The following LAMA2 variants were observed in gnomAD, a reference collection of about 807,000 sequenced individuals.
LAMA2 encodes the protein laminin subunit alpha-2.
A neutral mutation model predicts 364.8 loss-of-function variants in LAMA2; 269 were observed. That is an observed-to-expected ratio of 0.74 (90% CI 0.67 to 0.82). The LOEUF is 0.82. Among genes scored for constraint, LAMA2 ranks in the 40% least tolerant of loss-of-function variants. The probability of loss-of-function intolerance (pLI) is 0.00; values close to 1 mark genes in which losing one functional copy is unlikely to be tolerated. For synonymous variants in LAMA2, 1,379 were observed against 1,370.6 expected (o/e 1.01, Z -0.14); for missense variants, 3,807 against 3,873.2 (o/e 0.98, Z 0.45).
At chr6:129,144,370 AATC>A in intron 5 of LAMA2, among the ~76,000 whole-genome samples, 1 of 152,074 alleles carries the variant, frequency 6.6e-6, no homozygotes, top group East Asian at 1.9e-4. Context: ...TCTACTTAAT[AATC>A]TTATTTTTCA....
intron 45 of LAMA2, 85 bp downstream of exon 45, chr6:129,445,906 C>A: frequency 7.5e-7 from 1 of 1,341,500 alleles, no homozygotes; most frequent in Non-Finnish European, 1.1e-6. Flanking sequence ...CAGGATTCCC[C>A]GTTGAATGAT....
chr6:129,036,130 T>G (rs1294264243), intron 1 of LAMA2, among the ~76,000 whole-genome samples: 1 of 152,178 alleles, frequency 6.6e-6, no homozygotes, highest in Admixed American at 6.5e-5. Flanking sequence ...GGAATGTTTT[T>G]CCATTTGTCC....
At chr6:128,979,781 C>T (rs1444512509) in intron 1 of LAMA2, among the ~76,000 whole-genome samples, 1 of 152,198 alleles carries the variant, frequency 6.6e-6, no homozygotes, top group Non-Finnish European at 1.5e-5. Flanking sequence ...TGAAACCCAG[C>T]AAAGCTTAAC....
chr6:129,006,955 A>T (rs1784478208), intron 1 of LAMA2, among the ~76,000 whole-genome samples: 1 of 151,936 alleles, frequency 6.6e-6, no homozygotes, highest in Non-Finnish European at 1.5e-5. Flanking sequence ...ACATGTCCTC[A>T]CCTTTTAAGA....
chr6:129,042,413 ATTTTATC>A (rs1388296473), intron 1 of LAMA2, among the ~76,000 whole-genome samples: 1 of 152,008 alleles, frequency 6.6e-6, no homozygotes, highest in Non-Finnish European at 1.5e-5. Context: ...CCATAAATCC[ATTTTATC>A]TTTTAATATA....
At chr6:129,225,384 T>A (rs1355470133) in intron 12 of LAMA2, among the ~76,000 whole-genome samples, 1 of 152,136 alleles carries the variant, frequency 6.6e-6, no homozygotes, top group Non-Finnish European at 1.5e-5. Flanking sequence ...AGCTTTTGAG[T>A]GTGTTTGCTC....
In LAMA2 at chr6:129,027,777, C is replaced by G. The variant is rs546454960; in HGVS notation, c.113-22141C>G. 1.9e-3 allele frequency among the ~76,000 whole-genome samples: 286 copies of G among 151,734 alleles called. 2 individuals are homozygous for G. Among genetic ancestry groups the G allele is most frequent in the African/African-American group, 6.3e-3 (262 of 41,416 alleles). On this transcript the variant is annotated intron_variant, in intron 1 of 64. Transcript: ENST00000421865. ...GAGGTGGGAAGTGAGATGCTGTGTT[C>G]AGAGTGAGATAAGGAAATAATTTGA... is the stretch of plus-strand genomic sequence containing the variant.
At chr6:129,111,216 G>T (rs1169423336) in intron 4 of LAMA2, among the ~76,000 whole-genome samples, 1 of 151,924 alleles carries the variant, frequency 6.6e-6, no homozygotes, top group African/African-American at 2.4e-5. Context: ...GTACTATTTT[G>T]CAACACAGCA....
intron 3 of LAMA2, among the ~76,000 whole-genome samples, chr6:129,079,994 G>C (rs903401049): frequency 6.6e-6 from 1 of 151,978 alleles, no homozygotes; most frequent in South Asian, 2.1e-4. Context: ...TTTATTATTT[G>C]TATAAATTAT....
intron 17 of LAMA2, among the ~76,000 whole-genome samples, chr6:129,271,501 G>T (rs576084207): frequency 6.9e-5 from 9 of 130,068 alleles, no homozygotes; most frequent in Admixed American, 3.8e-4. Context: ...ACAGAGTCTC[G>T]CTCTGTTGCC....
At chr6:129,147,072 A>C (rs754084177) in intron 6 of LAMA2, 24 bp downstream of exon 6, 2 of 1,434,876 alleles carry the variant, frequency 1.4e-6, no homozygotes, top group East Asian at 2.3e-5. Flanking sequence ...TAGGATGCTT[A>C]GGCAAAATGA....
intron 1 of LAMA2, among the ~76,000 whole-genome samples, chr6:128,978,256 G>C: frequency 6.6e-6 from 1 of 151,958 alleles, no homozygotes. Flanking sequence ...TATTAAGGCT[G>C]TGTAGGCCAA....
intron 12 of LAMA2, among the ~76,000 whole-genome samples, chr6:129,200,608 A>G (rs1407189555): frequency 2.0e-5 from 3 of 151,978 alleles, no homozygotes; most frequent in Non-Finnish European, 4.4e-5. Context: ...GGATTAGGTC[A>G]TGAGGGTTCT....
chr6:128,944,067 T>G (rs993329186), intron 1 of LAMA2, among the ~76,000 whole-genome samples: 1 of 152,180 alleles, frequency 6.6e-6, no homozygotes, highest in African/African-American at 2.4e-5. Flanking sequence ...GTGTATAATC[T>G]TAGGGGGCTT....
At chr6:128,983,061 C>T (rs941470947) in intron 1 of LAMA2, among the ~76,000 whole-genome samples, 5 of 151,346 alleles carry the variant, frequency 3.3e-5, no homozygotes, top group Middle Eastern at 3.2e-3. Flanking sequence ...TGAATAGTGC[C>T]GCAATAAACA....
Position 128,883,154 on chromosome 6 carries a change from G to A in LAMA2, c.-92G>A. 1 of 1,271,338 alleles carries A rather than the reference G, an allele frequency of 7.9e-7. No homozygotes were observed. The highest frequency in any genetic ancestry group is 2.5e-5 in the East Asian group (1 of 39,338). 78.8% of individuals were successfully genotyped at this position (1,271,338 alleles called of 1,614,324 possible). A position where few individuals can be genotyped will look rare whatever the true frequency, so the allele number is the denominator to read the frequency against. On this transcript the variant is annotated 5_prime_UTR_variant, in exon 1 of 65. Transcript: ENST00000421865. Reference sequence around the variant, plus strand: ...TGTCTCCTCCTCTTCCCCAGCAGCTGCTGCTCGCTCAGCTCACAAGCCAAG... The same window carrying A: ...TGTCTCCTCCTCTTCCCCAGCAGCTACTGCTCGCTCAGCTCACAAGCCAAG...
chr6:129,380,432 A>T (rs1040379076), intron 34 of LAMA2, among the ~76,000 whole-genome samples: 5 of 152,178 alleles, frequency 3.3e-5, no homozygotes, highest in Non-Finnish European at 7.3e-5. Context: ...AAAACAGACC[A>T]AGTTCTCACC....
intron 4 of LAMA2, among the ~76,000 whole-genome samples, chr6:129,134,743 T>A (rs747330231): frequency 3.9e-5 from 6 of 152,126 alleles, no homozygotes; most frequent in Non-Finnish European, 8.8e-5. Context: ...CTCAGACACC[T>A]CCTTCTGTGC....
intron 4 of LAMA2, among the ~76,000 whole-genome samples, chr6:129,099,074 AGTT>A (rs1775351509): frequency 1.4e-5 from 2 of 147,132 alleles, no homozygotes; most frequent in South Asian, 4.2e-4. Context: ...CCATGGCTTC[AGTT>A]GTTATTAGTT....
Sources: gnomAD v4.1 joint callset for allele counts (sites outside exome capture counted in the v4.1 genomes callset) on GRCh38, gnomAD v4.1.1 for gene constraint, MANE v1.5 for transcripts, NCBI Gene and HGNC (gene_info 2026-07-23, HGNC 2026-07-21) for gene names.